The following SLC25A21 variants were observed in gnomAD, a reference collection of about 807,000 sequenced individuals.
SLC25A21 encodes the protein solute carrier family 25 member 21.
In SLC25A21, 47 loss-of-function variants were observed where a neutral mutation model predicts 43.8. The ratio of observed to expected loss-of-function variants is 1.07; its 90% confidence interval spans 0.85 to 1.37. The LOEUF is 1.37. SLC25A21 is among the 40% of genes most tolerant of loss of function. SLC25A21 has a pLI of 0.00. For missense variants in SLC25A21, 352 were observed against 350.2 expected, an observed-to-expected ratio of 1.00 and a Z score of -0.04; for synonymous variants, 131 against 121.3, an observed-to-expected ratio of 1.08 and a Z score of -0.52.
intron 3 of SLC25A21, among the ~76,000 whole-genome samples, chr14:36,800,716 T>C (rs988524244): frequency 1.3e-5 from 2 of 152,082 alleles, no homozygotes; most frequent in African/African-American, 4.8e-5. Context: ...GCTTAAAAAA[T>C]GCTTAAAAAG....
At chr14:37,146,176 T>C (rs544481456) in intron 1 of SLC25A21, among the ~76,000 whole-genome samples, 4 of 152,350 alleles carry the variant, frequency 2.6e-5, no homozygotes, top group Middle Eastern at 3.4e-3. Context: ...TATTCATTCA[T>C]CTATTCATTC....
At position 36,685,638 on chromosome 14, in the gene SLC25A21, G is replaced by A. The variant is rs528302449; in HGVS notation, c.604-713C>T. Among the ~76,000 whole-genome samples the A allele has an allele frequency of 6.6e-5, 10 of 152,310 alleles. No individual in the cohort carries two copies. The East Asian group carries it at 7.7e-4, about 12-fold the overall frequency. On this transcript the variant is annotated intron_variant, in intron 7 of 9. Coordinates refer to ENST00000331299, the MANE Select transcript of SLC25A21 (RefSeq NM_030631.4). ...AGGAAGAAAAGGAGAAAGAGAGAGC[G>A]AGAGTGAGTAAAAGAGAAATATTTC...
chr14:37,124,044 TC>T (rs1287811615), intron 1 of SLC25A21, among the ~76,000 whole-genome samples: 13 of 151,482 alleles, frequency 8.6e-5, no homozygotes, highest in Non-Finnish European at 8.8e-5. Flanking sequence ...GGAGTCTCAC[TC>T]TGTCGCCCAG....
intron 9 of SLC25A21, among the ~76,000 whole-genome samples, chr14:36,683,243 G>T (rs891768945): frequency 6.6e-6 from 1 of 152,190 alleles, no homozygotes. Flanking sequence ...AATGGCAGCC[G>T]GTTTTTTTGT....
chr14:36,826,773 G>A (rs1888847812), intron 2 of SLC25A21, among the ~76,000 whole-genome samples: 1 of 152,204 alleles, frequency 6.6e-6, no homozygotes, highest in Non-Finnish European at 1.5e-5. Context: ...CCTGAGAATG[G>A]GCTGTCCTGG....
intron 1 of SLC25A21, among the ~76,000 whole-genome samples, chr14:36,901,675 T>C (rs1442643685): frequency 1.3e-5 from 2 of 152,136 alleles, no homozygotes; most frequent in Admixed American, 6.5e-5. Context: ...ATCTAACAAA[T>C]AACAGGGCAT....
At chr14:37,047,313 G>A (rs1288993517) in intron 1 of SLC25A21, among the ~76,000 whole-genome samples, 1 of 152,192 alleles carries the variant, frequency 6.6e-6, no homozygotes, top group Non-Finnish European at 1.5e-5. Flanking sequence ...TGCCCAGCAT[G>A]TCTAAGACAT....
chr14:36,772,414 AT>A (rs1400685523), intron 3 of SLC25A21, among the ~76,000 whole-genome samples: 6 of 152,360 alleles, frequency 3.9e-5, no homozygotes, highest in Non-Finnish European at 7.3e-5. Flanking sequence ...TTTGAAACAT[AT>A]GCATTTCCAA....
At chr14:36,750,262 T>A (rs1038354463) in intron 3 of SLC25A21, among the ~76,000 whole-genome samples, 1 of 152,242 alleles carries the variant, frequency 6.6e-6, no homozygotes, top group African/African-American at 2.4e-5. Context: ...GTTTTGGGCA[T>A]TTGATCTAGT....
At chr14:37,151,809 C>A (rs1172427777) in intron 1 of SLC25A21, among the ~76,000 whole-genome samples, 3 of 152,152 alleles carry the variant, frequency 2.0e-5, no homozygotes, top group African/African-American at 7.2e-5. Context: ...CCAAGGCGGG[C>A]AGATCACTTG....
At chr14:36,931,274 T>A (rs1372008622) in intron 1 of SLC25A21, among the ~76,000 whole-genome samples, 1 of 152,154 alleles carries the variant, frequency 6.6e-6, no homozygotes, top group Non-Finnish European at 1.5e-5. Context: ...CTGGGGAAGA[T>A]CATACAATTC....
intron 1 of SLC25A21, among the ~76,000 whole-genome samples, chr14:36,888,362 T>A (rs546994836): frequency 6.6e-6 from 1 of 152,182 alleles, no homozygotes; most frequent in Non-Finnish European, 1.5e-5. Flanking sequence ...AAAAAATTCC[T>A]TAGAAAGTGA....
intron 1 of SLC25A21, among the ~76,000 whole-genome samples, chr14:37,146,199 T>C (rs1963661196): frequency 1.3e-5 from 2 of 152,228 alleles, no homozygotes; most frequent in Non-Finnish European, 1.5e-5. Context: ...CAAATGTTTA[T>C]TGAGTACCTG....
intron 3 of SLC25A21, among the ~76,000 whole-genome samples, chr14:36,791,524 A>AT (rs1041638820): frequency 8.5e-5 from 13 of 152,176 alleles, no homozygotes; most frequent in African/African-American, 3.1e-4. Context: ...TGACAATCAC[A>AT]TTTTAAACTG....
intron 3 of SLC25A21, among the ~76,000 whole-genome samples, chr14:36,805,169 T>C (rs1451013250): frequency 6.6e-6 from 1 of 152,172 alleles, no homozygotes; most frequent in African/African-American, 2.4e-5. Context: ...AGGGAGGCTG[T>C]GTTTGGTCTC....
intron 7 of SLC25A21, among the ~76,000 whole-genome samples, chr14:36,703,605 T>A (rs903331406): frequency 6.6e-6 from 1 of 152,224 alleles, no homozygotes; most frequent in Non-Finnish European, 1.5e-5. Context: ...CAAACATCCT[T>A]AATTAGGATG....
intron 1 of SLC25A21, among the ~76,000 whole-genome samples, chr14:36,970,696 A>C (rs1239558187): frequency 1.3e-5 from 2 of 152,058 alleles, no homozygotes; most frequent in Non-Finnish European, 2.9e-5. Flanking sequence ...AAGATTCAAG[A>C]CTGTTCCCAT....
chr14:37,142,564 T>C (rs1183355549), intron 1 of SLC25A21, among the ~76,000 whole-genome samples: 2 of 152,112 alleles, frequency 1.3e-5, no homozygotes, highest in Middle Eastern at 6.8e-3. Context: ...GGTCTCACTA[T>C]GTTACCAGGC....
chr14:36,892,835 G>A (rs1566716308), intron 1 of SLC25A21, among the ~76,000 whole-genome samples: 2 of 152,126 alleles, frequency 1.3e-5, no homozygotes, highest in Non-Finnish European at 2.9e-5. Context: ...TGCTGAGAAT[G>A]ATGGTCTCTA....
Sources: gnomAD v4.1 joint callset for allele counts (sites outside exome capture counted in the v4.1 genomes callset) on GRCh38, gnomAD v4.1.1 for gene constraint, MANE v1.5 for transcripts, NCBI Gene and HGNC (gene_info 2026-07-23, HGNC 2026-07-21) for gene names.